ETF1: variants seen among roughly 807,000 people sequenced by gnomAD.
The protein encoded by ETF1 is eukaryotic peptide chain release factor subunit 1.
A neutral mutation model predicts 55.1 loss-of-function variants in ETF1; 4 were observed. The observed-to-expected ratio is 0.07, with a 90% CI of 0.04 to 0.17. ETF1 has a LOEUF of 0.17. ETF1 is among the 10% of genes least tolerant of loss of function. ETF1 has a pLI of 1.00. For missense variants in ETF1, 142 were observed against 523.6 expected (o/e 0.27, Z 7.11); for synonymous variants, 157 against 182.3 (o/e 0.86, Z 1.12).
chr5:138,523,483 G>T (rs930875608), intron 2 of ETF1, among the ~76,000 whole-genome samples: 1 of 152,148 alleles, frequency 6.6e-6, no homozygotes, highest in Non-Finnish European at 1.5e-5. Flanking sequence ...GCAGTGAGCC[G>T]AGACCACGCC....
At chr5:138,536,450 C>T (rs1197032204) in intron 2 of ETF1, among the ~76,000 whole-genome samples, 1 of 152,228 alleles carries the variant, frequency 6.6e-6, no homozygotes, top group Non-Finnish European at 1.5e-5. Context: ...CTTCATCATA[C>T]TCTCTGAGGA....
intron 2 of ETF1, 175 bp downstream of exon 2, chr5:138,542,658 C>T: frequency 7.0e-7 from 1 of 1,435,042 alleles, no homozygotes; most frequent in African/African-American, 1.4e-5. Flanking sequence ...AGGACCCCTT[C>T]TCGGGCCAAC....
rs1418067099 is a variant in ETF1, at chr5:138,506,353, T to C, written c.*1952A>G. The C allele has an allele frequency of 6.6e-6, 1 of 152,578 alleles. No homozygotes were observed. Among genetic ancestry groups the C allele is most frequent in the Non-Finnish European group, 1.5e-5 (1 of 68,038 alleles). 9.5% of individuals were successfully genotyped at this position (152,578 alleles called of 1,614,324 possible). A position where few individuals can be genotyped will look rare whatever the true frequency, so the allele number is the denominator to read the frequency against. ...AAAAATTTGGCATCATTTCCAAACTTAAATAGTAAAAATAAAAACTACAAA... is the reference window on the plus strand; with the variant it reads ...AAAAATTTGGCATCATTTCCAAACTCAAATAGTAAAAATAAAAACTACAAA... On this transcript the variant is annotated 3_prime_UTR_variant, in exon 11 of 11. Coordinates refer to ENST00000360541, the MANE Select transcript of ETF1 (RefSeq NM_004730.4).
intron 5 of ETF1, 58 bp from the exon 6 acceptor site, chr5:138,513,012 C>T: frequency 6.2e-6 from 9 of 1,452,104 alleles, no homozygotes; most frequent in Non-Finnish European, 8.1e-6. Flanking sequence ...AAGATGTCTT[C>T]AAATTAAAAA....
chr5:138,542,993 T>C (rs1054302411), intron 1 of ETF1, 57 bp from the exon 2 acceptor site: 116 of 1,525,728 alleles, frequency 7.6e-5, no homozygotes, highest in Non-Finnish European at 1.0e-4. Context: ...GCGCCGCCGC[T>C]GGGGCAGAGC....
At chr5:138,530,211 AGTTTCTG>A (rs1290265878) in intron 2 of ETF1, among the ~76,000 whole-genome samples, 4 of 152,106 alleles carry the variant, frequency 2.6e-5, no homozygotes, top group Admixed American at 6.5e-5. Flanking sequence ...CTGACTCAAT[AGTTTCTG>A]AATAGGGAGA....
intron 2 of ETF1, among the ~76,000 whole-genome samples, chr5:138,527,954 T>C (rs1426418885): frequency 6.6e-6 from 1 of 152,008 alleles, no homozygotes; most frequent in African/African-American, 2.4e-5. Context: ...GTATTTTTAG[T>C]AGAGACGGGG....
intron 6 of ETF1, among the ~76,000 whole-genome samples, chr5:138,512,197 C>CAAAAAAAAAAAAA: frequency 3.5e-4 from 1 of 2,842 alleles, no homozygotes; most frequent in Non-Finnish European, 5.6e-4. Flanking sequence ...GACCCAGTCT[C>CAAAAAAAAAAAAA]AAAAAAAAAA....
At position 138,543,148 on chromosome 5, in the gene ETF1, CGCG is replaced by C. The variant is rs1381290670; in HGVS notation, c.-73_-71del. 101 of 576,496 alleles carry C rather than the reference CGCG, an allele frequency of 1.8e-4. No individual in the cohort carries two copies. Among genetic ancestry groups the C allele is most frequent in the South Asian group, 2.4e-4 (11 of 45,156 alleles). The allele number at this position is 576,496 out of a possible 1,614,324, so 35.7% of individuals were successfully genotyped here. On this transcript the variant is annotated 5_prime_UTR_variant, in exon 1 of 11. Coordinates refer to ENST00000360541, the MANE Select transcript of ETF1 (RefSeq NM_004730.4). Reference sequence around the variant, plus strand: ...GGCTGCTCCTCCCCGGCGGCGGCTCCGCGGCGGCGGCGGCTCTGACGTAGGACA... The same window carrying C: ...GGCTGCTCCTCCCCGGCGGCGGCTCCGCGGCGGCGGCTCTGACGTAGGACA...
intron 8 of ETF1, 200 bp from the exon 9 acceptor site, chr5:138,510,829 T>C (rs148433138): frequency 6.7e-4 from 474 of 710,232 alleles, no homozygotes; most frequent in Middle Eastern, 2.2e-3. Flanking sequence ...GTTCAAGATA[T>C]AGTCCTGGTC....
intron 2 of ETF1, among the ~76,000 whole-genome samples, chr5:138,521,068 G>T (rs903186006): frequency 6.6e-6 from 1 of 152,226 alleles, no homozygotes; most frequent in East Asian, 1.9e-4. Context: ...ATAGCCTAGA[G>T]GTGGAAGCAA....
In ETF1 at chr5:138,508,294, A is replaced by G. The variant is rs1764630570; in HGVS notation, c.*11T>C. 1.9e-6 allele frequency: 3 copies of G among 1,612,266 alleles called. No individual in the cohort carries two copies. The highest frequency in any genetic ancestry group is 1.3e-5 in the African/African-American group (1 of 74,872). On this transcript the variant is annotated 3_prime_UTR_variant, in exon 11 of 11. Coordinates refer to ENST00000360541, the MANE Select transcript of ETF1 (RefSeq NM_004730.4). ...GGGTGAGGCACGTTTTGCCGGACCC[A>G]TGTCGACTACCTAGTAGTCATCAAG... is the stretch of plus-strand genomic sequence containing the variant.
intron 4 of ETF1, among the ~76,000 whole-genome samples, chr5:138,515,035 T>A (rs1764961018): frequency 1.3e-5 from 2 of 152,204 alleles, no homozygotes; most frequent in Admixed American, 1.3e-4. Flanking sequence ...GCCTTACCAT[T>A]CCATTTTAAG....
At chr5:138,514,009 T>C (rs1581021847) in intron 4 of ETF1, 2 of 714,334 alleles carry the variant, frequency 2.8e-6, no homozygotes, top group East Asian at 1.3e-4. Flanking sequence ...CAATATTACA[T>C]ACAGCAGTTA....
At chr5:138,532,297 C>T (rs1765734293) in intron 2 of ETF1, among the ~76,000 whole-genome samples, 1 of 152,086 alleles carries the variant, frequency 6.6e-6, no homozygotes, top group South Asian at 2.1e-4. Context: ...AATATGGGAA[C>T]AGAATAGGAG....
At chr5:138,514,555 C>A (rs1387684594) in intron 4 of ETF1, among the ~76,000 whole-genome samples, 4 of 150,908 alleles carry the variant, frequency 2.7e-5, no homozygotes, top group Non-Finnish European at 5.9e-5. Context: ...AACAAAAAAA[C>A]TTTAACTTGT....
At chr5:138,524,463 G>T (rs1431654049) in intron 2 of ETF1, among the ~76,000 whole-genome samples, 1 of 150,782 alleles carries the variant, frequency 6.6e-6, no homozygotes, top group East Asian at 2.0e-4. Flanking sequence ...TGAGGTGGGA[G>T]AATTACCTAA....
chr5:138,542,796 C>T, intron 2 of ETF1, 37 bp downstream of exon 2: 2 of 1,608,758 alleles, frequency 1.2e-6, no homozygotes, highest in Non-Finnish European at 1.7e-6. Flanking sequence ...GGTCCGGGAA[C>T]CAAGAGGGCA....
At chr5:138,532,318 T>C (rs549835363) in intron 2 of ETF1, among the ~76,000 whole-genome samples, 2 of 152,314 alleles carry the variant, frequency 1.3e-5, no homozygotes, top group African/African-American at 4.8e-5. Context: ...GAGCCCAGAT[T>C]CAGGCTCACG....
Sources: gnomAD v4.1 joint callset for allele counts (sites outside exome capture counted in the v4.1 genomes callset) on GRCh38, gnomAD v4.1.1 for gene constraint, MANE v1.5 for transcripts, NCBI Gene and HGNC (gene_info 2026-07-23, HGNC 2026-07-21) for gene names.